SPRY3: variants seen among roughly 807,000 people sequenced by gnomAD.
SPRY3 encodes the protein sprouty RTK signaling antagonist 3, also known as protein sprouty homolog 3.
SPRY3 carries 15 observed loss-of-function variants against 20.2 expected under a neutral mutation model. That is an observed-to-expected ratio of 0.74 (90% CI 0.50 to 1.14). The LOEUF (loss-of-function observed/expected upper bound fraction) is 1.14, where lower values mean the gene tolerates loss of function less well. Among genes scored for constraint, SPRY3 ranks in the 50% most tolerant of loss-of-function variants. SPRY3 has a pLI of 0.00. For synonymous variants in SPRY3, 143 were observed against 136.5 expected (o/e 1.05, Z -0.33); for missense variants, 364 against 363.9 (o/e 1.00, Z 0.00).
chrX:155,750,066 A>C (rs1334330259), intron 2 of SPRY3, among the ~76,000 whole-genome samples: 1 of 151,798 alleles, frequency 6.6e-6, no homozygotes, highest in Non-Finnish European at 1.5e-5. Flanking sequence ...ATATCACCAG[A>C]ATACATATAC....
chrX:155,766,755 C>G (rs1039802178), intron 2 of SPRY3, among the ~76,000 whole-genome samples: 4 of 152,116 alleles, frequency 2.6e-5, no homozygotes, highest in Non-Finnish European at 5.9e-5. Context: ...TTTTCAGTCC[C>G]AGGGAGGCTG....
chrX:155,748,641 C>G (rs1229303425), intron 2 of SPRY3, among the ~76,000 whole-genome samples: 1 of 151,792 alleles, frequency 6.6e-6, no homozygotes, highest in African/African-American at 2.4e-5. Flanking sequence ...AATTCTGACA[C>G]TGAAGGCTAT....
chrX:155,755,065 C>T (rs1326223816), intron 2 of SPRY3, among the ~76,000 whole-genome samples: 4 of 141,992 alleles, frequency 2.8e-5, no homozygotes, highest in Admixed American at 6.9e-5. Flanking sequence ...CTCACACGTG[C>T]GTGCACACAC....
intron 2 of SPRY3, among the ~76,000 whole-genome samples, chrX:155,742,535 T>C (rs767565862): frequency 6.6e-6 from 1 of 152,280 alleles, no homozygotes; most frequent in South Asian, 2.1e-4. Context: ...AACAATAGAA[T>C]GTGCATCCCT....
intron 2 of SPRY3, among the ~76,000 whole-genome samples, chrX:155,758,917 T>C (rs2091293579): frequency 6.6e-6 from 1 of 152,182 alleles, no homozygotes; most frequent in Non-Finnish European, 1.5e-5. Flanking sequence ...AAATAAGTCA[T>C]GCAATGTGTA....
At chrX:155,774,739 C>A (rs2091412165) in exon 4 of SPRY3, 1 of 1,606,708 alleles carries the variant, frequency 6.2e-7, no homozygotes, top group South Asian at 1.1e-5. Context: ...GTCTGTATGA[C>A]CTTCCAACAA....
intron 2 of SPRY3, among the ~76,000 whole-genome samples, chrX:155,681,866 G>A (rs1302723763): frequency 8.9e-6 from 1 of 112,416 alleles, no homozygotes; most frequent in African/African-American, 3.2e-5. Context: ...TGAGTTACAA[G>A]GAAAGAAGCC....
intron 2 of SPRY3, among the ~76,000 whole-genome samples, chrX:155,692,388 GACCTATATGTCTATGCTTTC>G (rs1330778266): frequency 1.8e-5 from 2 of 111,263 alleles, no homozygotes; most frequent in Non-Finnish European, 3.8e-5. Flanking sequence ...ATGTTTCAGT[GACCTATATGTCTATGCTTTC>G]ACCAATGTCT....
At chrX:155,669,408 T>TG in intron 2 of SPRY3, among the ~76,000 whole-genome samples, 1 of 111,299 alleles carries the variant, frequency 9.0e-6, no homozygotes, top group Non-Finnish European at 1.9e-5. Flanking sequence ...TTGTAGTGTT[T>TG]ATTTCTAGAA....
rs755181697 is a variant in SPRY3 at position 155,767,232 on chromosome X, G to A, written c.-281-730G>A. ...GAAAGCCAACGACACGCGGGGGGAG[G>A]GGGGAGAGAAAGAAATTATAACGAG... On this transcript the variant is annotated intron_variant, in intron 2 of 3. Coordinates refer to ENST00000675360, the Ensembl canonical transcript of SPRY3. 7.3e-5 allele frequency among the ~76,000 whole-genome samples: 11 copies of A among 151,242 alleles called. No homozygotes were observed. The South Asian group carries it at 1.9e-3, about 26-fold the overall frequency.
chrX:155,767,748 G>GGAGGAGAGAGAGGAGGAC, intron 2 of SPRY3: 1 of 149,686 alleles, frequency 6.7e-6, no homozygotes, highest in South Asian at 2.0e-4. Context: ...GAGAGGAGGA[G>GGAGGAGAGAGAGGAGGAC]GAGGAGAGAG....
At chrX:155,759,510 A>G (rs2091296001) in intron 2 of SPRY3, among the ~76,000 whole-genome samples, 1 of 152,034 alleles carries the variant, frequency 6.6e-6, no homozygotes, top group Non-Finnish European at 1.5e-5. Context: ...TTAATTATAT[A>G]TTAACTAATA....
intron 2 of SPRY3, among the ~76,000 whole-genome samples, chrX:155,741,734 C>G (rs758364469): frequency 6.6e-6 from 1 of 152,134 alleles, no homozygotes; most frequent in Non-Finnish European, 1.5e-5. Context: ...CCCAGAACAT[C>G]TGGCCAAACT....
At chrX:155,618,105 C>A (rs140163488) in intron 1 of SPRY3, among the ~76,000 whole-genome samples, 2 of 111,894 alleles carry the variant, frequency 1.8e-5, no homozygotes, top group African/African-American at 6.5e-5. Context: ...TGTATAATGA[C>A]GACCACAATT....
chrX:155,703,904 TA>T (rs2090929257), intron 2 of SPRY3, among the ~76,000 whole-genome samples: 1 of 151,922 alleles, frequency 6.6e-6, no homozygotes, highest in Non-Finnish European at 1.5e-5. Context: ...ACAAATTCTC[TA>T]TAAAAATTTG....
chrX:155,665,985 G>A (rs1251074186), intron 2 of SPRY3, among the ~76,000 whole-genome samples: 1 of 111,669 alleles, frequency 9.0e-6, no homozygotes, highest in Admixed American at 9.5e-5. Context: ...TTATATGGTG[G>A]TGTGAATTCT....
At chrX:155,656,063 C>T (rs887954174) in intron 1 of SPRY3, among the ~76,000 whole-genome samples, 1 of 111,374 alleles carries the variant, frequency 9.0e-6, no homozygotes, top group Non-Finnish European at 1.9e-5. Flanking sequence ...GGGAATCTGA[C>T]AATTATGTGT....
chrX:155,748,420 C>A (rs2091239934), intron 2 of SPRY3, among the ~76,000 whole-genome samples: 5 of 151,668 alleles, frequency 3.3e-5, no homozygotes, highest in Admixed American at 3.3e-4. Flanking sequence ...TAGGGAGTGA[C>A]TCTACCAAGC....
At position 155,660,504 on chromosome X, in the gene SPRY3, A is replaced by C. The variant is rs150042917; in HGVS notation, c.-282+3479A>C. 1.3e-4 allele frequency among the ~76,000 whole-genome samples: 15 copies of C among 111,814 alleles called. 1 individual carries two copies. In the East Asian group the frequency reaches 4.2e-3, roughly 31 times the overall value. On this transcript the variant is annotated intron_variant, in intron 2 of 3. Transcript: ENST00000675360. ...GAAGAATGTATATACTGCTGTTGTT[A>C]GGTGGAATGTTCTATAAATGTCTGT...
Sources: allele counts gnomAD v4.1 joint callset (sites outside exome capture counted in the v4.1 genomes callset), GRCh38; gene constraint gnomAD v4.1.1; transcripts MANE v1.5; gene names NCBI Gene and HGNC (gene_info 2026-07-23, HGNC 2026-07-21).